CCDC171: variants seen among roughly 807,000 people sequenced by gnomAD.
CCDC171 encodes coiled-coil domain-containing protein 171.
CCDC171 carries 177 observed loss-of-function variants against 168.2 expected under a neutral mutation model. The observed-to-expected ratio is 1.05, with a 90% confidence interval of 0.93 to 1.19. CCDC171 has a LOEUF of 1.19. Among genes scored for constraint, CCDC171 ranks in the 50% most tolerant of loss-of-function variants. CCDC171 has a pLI of 0.00. For missense variants in CCDC171, 1,991 were observed against 1,539.0 expected, an observed-to-expected ratio of 1.29 and a Z score of -4.91; for synonymous variants, 687 against 540.8, an observed-to-expected ratio of 1.27 and a Z score of -3.75.
At chr9:15,599,385 T>G (rs562249784) in intron 6 of CCDC171, among the ~76,000 whole-genome samples, 8 of 152,272 alleles carry the variant, frequency 5.3e-5, no homozygotes, top group African/African-American at 1.9e-4. Context: ...CTGTAAAGTA[T>G]TTTATTTCTC....
chr9:15,633,279 A>C (rs1374926479), intron 7 of CCDC171, among the ~76,000 whole-genome samples: 1 of 152,222 alleles, frequency 6.6e-6, no homozygotes, highest in African/African-American at 2.4e-5. Flanking sequence ...CTCATCTGAC[A>C]AAGGGCTAAT....
intron 25 of CCDC171, among the ~76,000 whole-genome samples, chr9:15,923,091 G>A (rs1324339053): frequency 6.6e-6 from 1 of 151,160 alleles, no homozygotes; most frequent in African/African-American, 2.4e-5. Context: ...GTTTTTGGTT[G>A]TATTGCATAT....
chr9:15,586,930 C>A (rs2041607685), intron 4 of CCDC171, among the ~76,000 whole-genome samples: 1 of 152,064 alleles, frequency 6.6e-6, no homozygotes, highest in African/African-American at 2.4e-5. Context: ...ACCTCAGCCT[C>A]CTGAGTAGTT....
At chr9:15,895,779 C>T (rs1274624304) in intron 24 of CCDC171, among the ~76,000 whole-genome samples, 1 of 152,034 alleles carries the variant, frequency 6.6e-6, no homozygotes, top group Non-Finnish European at 1.5e-5. Context: ...CCTTGTTTTG[C>T]AACACATTAA....
intron 24 of CCDC171, among the ~76,000 whole-genome samples, chr9:15,894,453 A>T (rs948509985): frequency 6.6e-6 from 1 of 152,040 alleles, no homozygotes; most frequent in African/African-American, 2.4e-5. Context: ...GAAAAATATG[A>T]GTCATTTTTG....
At chr9:15,977,697 A>G (rs754596738), downstream of CCDC171, among the ~76,000 whole-genome samples, 12 of 152,166 alleles carry the variant, frequency 7.9e-5, no homozygotes, top group Non-Finnish European at 1.5e-4. Context: ...CGGCTCCAGA[A>G]ATGTTGTGCG....
chr9:15,979,166 TTTAATTCAAATAGTTTTGTGGTG>T (rs1370647382), intron 3 of CCDC171, among the ~76,000 whole-genome samples: 2 of 152,348 alleles, frequency 1.3e-5, no homozygotes, highest in African/African-American at 4.8e-5. Flanking sequence ...TTTCCAGCTT[TTTAATTCAAATAGTTTTGTGGTG>T]TGAATTTCTT....
chr9:15,666,274 TA>T lies in CCDC171; in HGVS notation c.1028del (p.Tyr343LeufsTer15). The T allele has an allele frequency of 1.2e-6, 2 of 1,613,762 alleles. No homozygotes were observed. Among genetic ancestry groups the T allele is most frequent in the Non-Finnish European group, 1.7e-6 (2 of 1,179,744 alleles). ...TGAATTCAAAGAAGTTGAAAGTGCATATGAGCGAGAAAAGCATAATGCACAA... is the reference window on the plus strand; with the variant it reads ...TGAATTCAAAGAAGTTGAAAGTGCATTGAGCGAGAAAAGCATAATGCACAA... The part of the protein sequence containing the change: ...KNEFKEVESA[Y>X]EREKHNAQES... On this transcript the variant is annotated frameshift_variant, in exon 9 of 26. Coordinates refer to ENST00000380701, the MANE Select transcript of CCDC171 (RefSeq NM_173550.4). LOFTEE classifies it high-confidence loss of function.
At chr9:16,091,135 G>A in the CCDC171 span, among the ~76,000 whole-genome samples, 1 of 152,154 alleles carries the variant, frequency 6.6e-6, no homozygotes, top group Non-Finnish European at 1.5e-5. Context: ...TTAGCTGCCT[G>A]GAGCTGCCTG....
intron 23 of CCDC171, among the ~76,000 whole-genome samples, chr9:15,854,923 T>C (rs1303476922): frequency 6.6e-6 from 1 of 151,838 alleles, no homozygotes; most frequent in Non-Finnish European, 1.5e-5. Flanking sequence ...AGTTATACTT[T>C]AATTTTATAT....
intron 7 of CCDC171, among the ~76,000 whole-genome samples, chr9:15,644,448 G>T (rs138340119): frequency 1.3e-5 from 2 of 152,216 alleles, no homozygotes; most frequent in Admixed American, 6.5e-5. Context: ...GTGAGGCATC[G>T]TCTCACCCGG....
At chr9:15,710,178 A>C (rs1381806482) in intron 11 of CCDC171, among the ~76,000 whole-genome samples, 3 of 152,172 alleles carry the variant, frequency 2.0e-5, no homozygotes, top group Non-Finnish European at 1.5e-5. Flanking sequence ...TAGTGTCATA[A>C]ATTTCAAAGT....
chr9:15,667,209 C>T (rs1028102062), intron 9 of CCDC171, among the ~76,000 whole-genome samples: 1 of 152,070 alleles, frequency 6.6e-6, no homozygotes, highest in African/African-American at 2.4e-5. Context: ...ATTTCCCCCC[C>T]CAGAGGGTGA....
intron 8 of CCDC171, among the ~76,000 whole-genome samples, chr9:15,661,723 A>G (rs1032520189): frequency 2.6e-5 from 4 of 152,340 alleles, no homozygotes; most frequent in South Asian, 2.1e-4. Context: ...AAGCAGACTT[A>G]AAAGAGTTGA....
chr9:15,623,476 C>T (rs2044711021), intron 7 of CCDC171, 63 bp downstream of exon 7: 3 of 344,280 alleles, frequency 8.7e-6, no homozygotes, highest in Non-Finnish European at 1.4e-5. Context: ...CGCGCGCGCG[C>T]ACACACACAC....
the CCDC171 span, among the ~76,000 whole-genome samples, chr9:16,089,630 A>T: frequency 4.6e-5 from 7 of 152,100 alleles, no homozygotes; most frequent in Admixed American, 1.3e-4. Context: ...TTTATTAAAT[A>T]GGGAATATTT....
chr9:15,902,902 G>A (rs1821922876), intron 24 of CCDC171, among the ~76,000 whole-genome samples: 1 of 152,208 alleles, frequency 6.6e-6, no homozygotes, highest in Non-Finnish European at 1.5e-5. Flanking sequence ...GCCTGGCTCA[G>A]AGGGTCCTAC....
intron 8 of CCDC171, among the ~76,000 whole-genome samples, chr9:15,659,778 T>C (rs1037573709): frequency 6.6e-6 from 1 of 152,180 alleles, no homozygotes; most frequent in Non-Finnish European, 1.5e-5. Flanking sequence ...GAAAAGTAGC[T>C]ATAAGCAGAT....
chr9:15,560,222 T>C lies in CCDC171; in HGVS notation c.-111-3756T>C, dbSNP rs570542624. Among the ~76,000 whole-genome samples, 325 of 152,116 alleles carry C rather than the reference T, an allele frequency of 2.1e-3. 5 individuals carry two copies. Among genetic ancestry groups the C allele is most frequent in the South Asian group, 0.021 (100 of 4,820 alleles). ...TTATGTGTCTTGGAGTTGCTCTTCT[T>C]GTGGAGTATCTTTGTGGCGTTCTCT... On this transcript the variant is annotated intron_variant, in intron 1 of 25. Transcript: ENST00000380701.
Sources: gnomAD v4.1 joint callset for allele counts (sites outside exome capture counted in the v4.1 genomes callset) on GRCh38, gnomAD v4.1.1 for gene constraint, MANE v1.5 for transcripts, NCBI Gene and HGNC (gene_info 2026-07-23, HGNC 2026-07-21) for gene names.